PTPN3: variants seen among roughly 807,000 people sequenced by gnomAD.
PTPN3 encodes the protein tyrosine-protein phosphatase non-receptor type 3.
Under a neutral mutation model 132.7 loss-of-function variants are expected in PTPN3, and 96 were observed. The observed-to-expected ratio is 0.72, with a 90% CI of 0.61 to 0.86. The LOEUF is 0.86. PTPN3 is among the 40% of genes least tolerant of loss of function. PTPN3 has a pLI of 0.00. For synonymous variants in PTPN3, 398 were observed against 429.0 expected (o/e 0.93, Z 0.89); for missense variants, 1,125 against 1,159.6 (o/e 0.97, Z 0.43).
intron 5 of PTPN3, among the ~76,000 whole-genome samples, chr9:109,453,354 T>C (rs1290433844): frequency 5.3e-5 from 8 of 152,230 alleles, no homozygotes; most frequent in Admixed American, 5.2e-4. Context: ...TAAGCATCTA[T>C]TGCTTTTTTT....
At position 109,406,627 on chromosome 9, in the gene PTPN3, T is replaced by C. The variant is rs766071865; in HGVS notation, c.1636-9A>G. ...GGAATGCAGGTGTCCGCCTGGGTGG[T>C]GGGGAAAAGCGAGTTTCTCCTGTTA... On this transcript the variant is annotated splice_polypyrimidine_tract_variant and intron_variant, in intron 17 of 25. Coordinates refer to ENST00000374541, the MANE Select transcript of PTPN3 (RefSeq NM_002829.4). 1 of 1,613,664 alleles carries C rather than the reference T, an allele frequency of 6.2e-7. No individual in the cohort carries two copies. Among genetic ancestry groups the C allele is most frequent in the East Asian group, 2.2e-5 (1 of 44,868 alleles).
chr9:109,479,823 C>A (rs1272528523), intron 1 of PTPN3, among the ~76,000 whole-genome samples: 1 of 152,162 alleles, frequency 6.6e-6, no homozygotes, highest in African/African-American at 2.4e-5. Context: ...AAGCGATACA[C>A]CCTCCCAAAG....
intron 1 of PTPN3, among the ~76,000 whole-genome samples, chr9:109,468,377 G>GT (rs1564469958): frequency 6.6e-6 from 1 of 151,398 alleles, no homozygotes; most frequent in East Asian, 1.9e-4. Flanking sequence ...TTGTTTGTTT[G>GT]TTTTTTTGAG....
At chr9:109,481,927 G>GGGCT (rs1198892457) in intron 1 of PTPN3, among the ~76,000 whole-genome samples, 4 of 152,190 alleles carry the variant, frequency 2.6e-5, no homozygotes, top group Non-Finnish European at 4.4e-5. Flanking sequence ...AAGACAGGGA[G>GGGCT]GGCTGGGACA....
At chr9:109,389,565 A>G (rs374269743) in intron 21 of PTPN3, among the ~76,000 whole-genome samples, 186 bp from the exon 22 acceptor site, 1 of 152,240 alleles carries the variant, frequency 6.6e-6, no homozygotes, top group African/African-American at 2.4e-5. Flanking sequence ...TCTGACAACC[A>G]CCAGTATTAG....
intron 7 of PTPN3, among the ~76,000 whole-genome samples, chr9:109,442,617 A>G (rs1230163365): frequency 2.0e-5 from 3 of 152,236 alleles, no homozygotes; most frequent in Non-Finnish European, 4.4e-5. Context: ...TTTACTCTAA[A>G]TAGAATTTAC....
the PTPN3 span, among the ~76,000 whole-genome samples, chr9:109,510,191 A>G: frequency 6.6e-6 from 1 of 152,220 alleles, no homozygotes; most frequent in Admixed American, 6.5e-5. Flanking sequence ...CCATCTATTC[A>G]ATGGAAAAAT....
rs1427954288 is a variant in PTPN3, at chr9:109,420,521, T to C, written c.1216A>G (p.Ile406Val). The part of the protein sequence containing the change: ...ADNLANEMTY[I>V]TETEDVFYTY... ...TAAAATACATCTTCCGTTTCCGTGA[T>C]GTAGGTCATTTCATTTGCAAGGTTA... The change falls in exon 14 of 26, where the codon ATC (isoleucine) becomes GTC (valine). Residue 406 changes from isoleucine (I) to valine (V), a missense_variant. Coordinates refer to ENST00000374541, the MANE Select transcript of PTPN3 (RefSeq NM_002829.4). 6 of 1,613,340 alleles carry C rather than the reference T, an allele frequency of 3.7e-6. No homozygotes were observed. Among genetic ancestry groups the C allele is most frequent in the Non-Finnish European group, 5.1e-6 (6 of 1,179,900 alleles).
At chr9:109,423,003 C>T (rs1239503728) in intron 12 of PTPN3, 151 bp from the exon 13 acceptor site, 3 of 946,918 alleles carry the variant, frequency 3.2e-6, no homozygotes, top group Non-Finnish European at 4.7e-6. Flanking sequence ...AGCTCAAAAG[C>T]GATTCCTGTC....
At chr9:109,435,341 T>A (rs1843964851) in intron 9 of PTPN3, among the ~76,000 whole-genome samples, 1 of 152,184 alleles carries the variant, frequency 6.6e-6, no homozygotes, top group Admixed American at 6.5e-5. Flanking sequence ...GCAGGAGGAA[T>A]GTATGTCTCT....
chr9:109,379,468 G>A lies in PTPN3; in HGVS notation c.*88C>T. 4 of 1,235,420 alleles carry A rather than the reference G, an allele frequency of 3.2e-6. No individual in the cohort carries two copies. The South Asian group carries it at 5.0e-5, about 15-fold the overall frequency. 76.5% of individuals were successfully genotyped at this position (1,235,420 alleles called of 1,614,324 possible). A position where few individuals can be genotyped will look rare whatever the true frequency, so the allele number is the denominator to read the frequency against. ...GCCCATTCCTTTCCCACAGCTACTGGTTCCTCTTGCTGCTTCCAGAGAGGT... is the reference window on the plus strand; with the variant it reads ...GCCCATTCCTTTCCCACAGCTACTGATTCCTCTTGCTGCTTCCAGAGAGGT... On this transcript the variant is annotated 3_prime_UTR_variant, in exon 26 of 26. Coordinates refer to ENST00000374541, the MANE Select transcript of PTPN3 (RefSeq NM_002829.4).
intron 14 of PTPN3, among the ~76,000 whole-genome samples, chr9:109,412,830 A>G (rs901971095): frequency 4.9e-4 from 75 of 152,040 alleles, no homozygotes; most frequent in African/African-American, 1.8e-3. Flanking sequence ...TTGATTTAAA[A>G]CTCAATGGTC....
chr9:109,449,443 C>T (rs1845095067), intron 5 of PTPN3: 6 of 985,418 alleles, frequency 6.1e-6, no homozygotes, highest in African/African-American at 1.7e-5. Flanking sequence ...TCCAGGACCT[C>T]CAAGCTGAAT....
chr9:109,536,414 A>G, the PTPN3 span, among the ~76,000 whole-genome samples: 1 of 152,234 alleles, frequency 6.6e-6, no homozygotes, highest in Non-Finnish European at 1.5e-5. Context: ...ATTTTGAAGA[A>G]CCATCAAACC....
chr9:109,443,920 C>T (rs1416768757), intron 7 of PTPN3, among the ~76,000 whole-genome samples: 1 of 152,178 alleles, frequency 6.6e-6, no homozygotes, highest in South Asian at 2.1e-4. Context: ...TGGTTCCATG[C>T]AGGTGGGTGG....
intron 5 of PTPN3, among the ~76,000 whole-genome samples, chr9:109,452,249 C>T (rs1338630832): frequency 2.6e-5 from 3 of 113,790 alleles, no homozygotes; most frequent in African/African-American, 1.1e-4. Context: ...GCCTGGGTGA[C>T]AGAGCGAGCT....
Position 109,457,219 on chromosome 9 carries a change from T to C in PTPN3, c.247-4A>G, listed in dbSNP as rs553969752. 2 of 1,613,946 alleles carry C rather than the reference T, an allele frequency of 1.2e-6. No individual in the cohort carries two copies. Among genetic ancestry groups the C allele is most frequent in the East Asian group, 4.5e-5 (2 of 44,882 alleles). ...CTTTGCTTGCTTCCAGCCATCTCTG[T>C]TGGACAAGAAAACATAAAATATAAA... On this transcript the variant is annotated splice_region_variant and splice_polypyrimidine_tract_variant and intron_variant, in intron 3 of 25. Coordinates refer to ENST00000374541, the MANE Select transcript of PTPN3 (RefSeq NM_002829.4).
At chr9:109,434,210 C>T (rs1374510348) in intron 9 of PTPN3, among the ~76,000 whole-genome samples, 1 of 152,212 alleles carries the variant, frequency 6.6e-6, no homozygotes, top group Non-Finnish European at 1.5e-5. Context: ...GTGGTGCACA[C>T]GTGGCTCACT....
chr9:109,409,922 C>A, intron 16 of PTPN3, 77 bp downstream of exon 16: 1 of 1,554,882 alleles, frequency 6.4e-7, no homozygotes, highest in Non-Finnish European at 8.7e-7. Context: ...GAATGCAGCA[C>A]ATTTGTAATG....
Sources: gnomAD v4.1 joint callset for allele counts (sites outside exome capture counted in the v4.1 genomes callset) on GRCh38, gnomAD v4.1.1 for gene constraint, MANE v1.5 for transcripts, NCBI Gene and HGNC (gene_info 2026-07-23, HGNC 2026-07-21) for gene names.